Variants in KCNIP1 observed in about 807,000 individuals in gnomAD.
KCNIP1 encodes potassium voltage-gated channel interacting protein 1, also known as A-type potassium channel modulatory protein KCNIP1.
In KCNIP1, 18 loss-of-function variants were observed where a neutral mutation model predicts 33.0. That is an observed-to-expected ratio of 0.55 (90% CI 0.38 to 0.81). The LOEUF (loss-of-function observed/expected upper bound fraction) is 0.81, where lower values mean the gene tolerates loss of function less well. KCNIP1 is among the 30% of genes least tolerant of loss of function. The pLI is 0.00. For missense variants in KCNIP1, 238 were observed against 271.6 expected, an observed-to-expected ratio of 0.88 and a Z score of 0.87; for synonymous variants, 93 against 98.3, an observed-to-expected ratio of 0.95 and a Z score of 0.32.
At chr5:170,422,087 T>G (rs988220912) in intron 1 of KCNIP1, 1 of 152,114 alleles carries the variant, frequency 6.6e-6, no homozygotes, top group Admixed American at 6.5e-5. Flanking sequence ...GTGTTAGAAT[T>G]TATATAAACA....
intron 1 of KCNIP1, among the ~76,000 whole-genome samples, chr5:170,687,185 A>C (rs889612543): frequency 1.4e-5 from 2 of 145,886 alleles, no homozygotes; most frequent in Admixed American, 1.4e-4. Context: ...ACCTGAGTAA[A>C]TTTTTTTTTT....
At chr5:170,717,789 T>G (rs904524230) in intron 1 of KCNIP1, among the ~76,000 whole-genome samples, 3 of 152,192 alleles carry the variant, frequency 2.0e-5, no homozygotes, top group African/African-American at 7.2e-5. Context: ...CAGCCACCCA[T>G]CTCATCACTA....
At chr5:170,456,202 C>T (rs1360253081) in intron 1 of KCNIP1, among the ~76,000 whole-genome samples, 1 of 152,060 alleles carries the variant, frequency 6.6e-6, no homozygotes, top group Non-Finnish European at 1.5e-5. Flanking sequence ...AGCAAACTGA[C>T]ACAGGAACAG....
At chr5:170,643,880 CT>C (rs1760679580) in intron 1 of KCNIP1, among the ~76,000 whole-genome samples, 1 of 152,254 alleles carries the variant, frequency 6.6e-6, no homozygotes, top group Admixed American at 6.5e-5. Context: ...CTCACAGCCC[CT>C]CTCAAGTGGT....
intron 1 of KCNIP1, among the ~76,000 whole-genome samples, chr5:170,656,009 G>A (rs1018283509): frequency 2.0e-5 from 3 of 152,180 alleles, no homozygotes; most frequent in African/African-American, 7.2e-5. Flanking sequence ...GACAAAACAG[G>A]CTGGGTACTG....
intron 1 of KCNIP1, among the ~76,000 whole-genome samples, chr5:170,607,349 C>G (rs934189845): frequency 1.3e-5 from 2 of 152,166 alleles, no homozygotes; most frequent in Non-Finnish European, 2.9e-5. Context: ...AACTCCTGAG[C>G]CACAGTAAGT....
intron 1 of KCNIP1, among the ~76,000 whole-genome samples, chr5:170,714,814 G>T (rs1763590080): frequency 6.6e-6 from 1 of 151,956 alleles, no homozygotes; most frequent in Non-Finnish European, 1.5e-5. Context: ...TATCACAAAA[G>T]AGTCCAAAAG....
In KCNIP1 at chr5:170,439,916, G is replaced by A. The variant is rs574859768; in HGVS notation, c.88+85952G>A. ...TCATACAACCGGGGTATGGCTGGCT[G>A]TCCACAGGCGGCCATCCCCGTGCCA... is the stretch of plus-strand genomic sequence containing the variant. On this transcript the variant is annotated intron_variant, in intron 1 of 7. Transcript: ENST00000377360. Among the ~76,000 whole-genome samples, 9 of 152,326 alleles carry A rather than the reference G, an allele frequency of 5.9e-5. No individual in the cohort carries two copies. In the East Asian group the frequency reaches 1.5e-3, roughly 26 times the overall value.
At chr5:170,550,688 T>C (rs1398705546) in intron 1 of KCNIP1, among the ~76,000 whole-genome samples, 1 of 152,116 alleles carries the variant, frequency 6.6e-6, no homozygotes, top group Non-Finnish European at 1.5e-5. Flanking sequence ...GTGATGATGA[T>C]GGTGATGACA....
At chr5:170,491,217 G>A (rs1757197055) in intron 1 of KCNIP1, among the ~76,000 whole-genome samples, 1 of 152,220 alleles carries the variant, frequency 6.6e-6, no homozygotes, top group African/African-American at 2.4e-5. Flanking sequence ...AACAGGGGCA[G>A]GCACAGGCAG....
intron 1 of KCNIP1, among the ~76,000 whole-genome samples, chr5:170,699,591 C>T (rs138028427): frequency 2.0e-4 from 31 of 151,468 alleles, no homozygotes; most frequent in Middle Eastern, 6.8e-3. Context: ...TTTACAGTCC[C>T]AGGAGATTTT....
At chr5:170,437,389 A>G (rs1317981032) in intron 1 of KCNIP1, among the ~76,000 whole-genome samples, 2 of 152,206 alleles carry the variant, frequency 1.3e-5, no homozygotes, top group African/African-American at 4.8e-5. Context: ...GAACTCCCTC[A>G]CAACCATGGC....
intron 1 of KCNIP1, among the ~76,000 whole-genome samples, chr5:170,687,782 A>G (rs1762591282): frequency 6.6e-6 from 1 of 152,150 alleles, no homozygotes; most frequent in Non-Finnish European, 1.5e-5. Flanking sequence ...TCCTTAACTC[A>G]CTTTTTACAT....
intron 1 of KCNIP1, among the ~76,000 whole-genome samples, chr5:170,536,003 G>A (rs929020866): frequency 6.6e-6 from 1 of 152,194 alleles, no homozygotes; most frequent in Non-Finnish European, 1.5e-5. Flanking sequence ...CTACATGGTT[G>A]TCTTGAGTTT....
intron 1 of KCNIP1, among the ~76,000 whole-genome samples, chr5:170,410,887 G>A (rs996405121): frequency 4.6e-5 from 7 of 152,196 alleles, no homozygotes; most frequent in African/African-American, 1.4e-4. Flanking sequence ...ACAGACGCAG[G>A]TGAAACTCCA....
At chr5:170,464,850 G>A (rs552085006) in intron 1 of KCNIP1, among the ~76,000 whole-genome samples, 7 of 152,286 alleles carry the variant, frequency 4.6e-5, no homozygotes, top group East Asian at 3.9e-4. Context: ...CAGACAGGGC[G>A]TGTTGTGCCT....
At chr5:170,731,564 A>G (rs1470289521) in intron 5 of KCNIP1, among the ~76,000 whole-genome samples, 2 of 152,006 alleles carry the variant, frequency 1.3e-5, no homozygotes, top group Non-Finnish European at 1.5e-5. Flanking sequence ...GTGTGGTGGC[A>G]CTTGCCTGTA....
chr5:170,570,400 T>C lies in KCNIP1; in HGVS notation c.61+65767T>C, dbSNP rs537278052. ...GTCCATGCCTGTCTCCTTTGGAAAA[T>C]GCACGCTGTTACACTTCCCCACATG... On this transcript the variant is annotated intron_variant, in intron 1 of 7. Transcript: ENST00000328939. Among the ~76,000 whole-genome samples, 86 of 152,246 alleles carry C rather than the reference T, an allele frequency of 5.6e-4. 1 individual carries two copies. The highest frequency in any genetic ancestry group is 2.3e-3 in the South Asian group (11 of 4,812).
chr5:170,690,176 A>G (rs1762674147), intron 1 of KCNIP1, among the ~76,000 whole-genome samples: 1 of 152,084 alleles, frequency 6.6e-6, no homozygotes, highest in East Asian at 1.9e-4. Context: ...CTAAGCAGGG[A>G]TTTTTCTCCA....
Sources: gnomAD v4.1 joint callset for allele counts (sites outside exome capture counted in the v4.1 genomes callset) on GRCh38, gnomAD v4.1.1 for gene constraint, MANE v1.5 for transcripts, NCBI Gene and HGNC (gene_info 2026-07-23, HGNC 2026-07-21) for gene names.